Variants in RBBP8 observed in about 807,000 individuals in gnomAD.
RBBP8 encodes DNA endonuclease RBBP8.
In RBBP8, 88 loss-of-function variants were observed where a neutral mutation model predicts 108.3. The ratio of observed to expected loss-of-function variants is 0.81; its 90% CI spans 0.68 to 0.97. The LOEUF is 0.97. Among genes scored for constraint, RBBP8 ranks in the 50% least tolerant of loss-of-function variants. The pLI is 0.00. For synonymous variants in RBBP8, 332 were observed against 348.2 expected (o/e 0.95, Z 0.52); for missense variants, 1,023 against 1,049.0 (o/e 0.98, Z 0.34).
rs9960645 is a variant in RBBP8 at position 22,973,464 on chromosome 18, A to G, written c.362-1689A>G. Among the ~76,000 whole-genome samples, 1,283 of 152,310 alleles carry G rather than the reference A, an allele frequency of 8.4e-3. 22 individuals carry two copies. Among genetic ancestry groups the G allele is most frequent in the African/African-American group, 0.03 (1,234 of 41,560 alleles). On this transcript the variant is annotated intron_variant, in intron 5 of 18. Coordinates refer to ENST00000327155, the MANE Select transcript of RBBP8 (RefSeq NM_002894.3). ...TACAAAGGATGAGTTGCCAAATACT[A>G]TGATTCTGCCTCTGTTACAGTTCTT...
chr18:22,953,610 C>A (rs1446676499), intron 4 of RBBP8, among the ~76,000 whole-genome samples: 1 of 152,072 alleles, frequency 6.6e-6, no homozygotes, highest in African/African-American at 2.4e-5. Context: ...GTTCTGGTAA[C>A]CTTTGCAGTC....
chr18:22,940,188 A>G (rs919249472), intron 2 of RBBP8, among the ~76,000 whole-genome samples: 1 of 151,756 alleles, frequency 6.6e-6, no homozygotes, highest in Non-Finnish European at 1.5e-5. Flanking sequence ...AAATGTTGGG[A>G]TTTTGGGATT....
At chr18:23,025,577 A>G (rs896285006) in intron 18 of RBBP8, among the ~76,000 whole-genome samples, 2 of 152,242 alleles carry the variant, frequency 1.3e-5, no homozygotes, top group Non-Finnish European at 2.9e-5. Context: ...TGAAGATTAC[A>G]TGCTTAGAGA....
intron 7 of RBBP8, 107 bp from the exon 8 acceptor site, chr18:22,984,779 T>C (rs1239516483): frequency 1.6e-6 from 1 of 630,762 alleles, no homozygotes; most frequent in African/African-American, 1.9e-5. Flanking sequence ...TGGATTTAAA[T>C]ACAGATAATA....
chr18:22,976,047 C>T (rs1370322718), intron 6 of RBBP8, among the ~76,000 whole-genome samples: 1 of 152,008 alleles, frequency 6.6e-6, no homozygotes, highest in Non-Finnish European at 1.5e-5. Context: ...CCTAAAGATC[C>T]TGTTGCGTTT....
intron 4 of RBBP8, among the ~76,000 whole-genome samples, chr18:22,966,719 C>CTTTTTT (rs796853895): frequency 3.1e-5 from 4 of 128,118 alleles, no homozygotes; most frequent in Admixed American, 8.2e-5. Context: ...TACTTACTAT[C>CTTTTTT]TTTTTTTTTT....
intron 17 of RBBP8, among the ~76,000 whole-genome samples, chr18:23,020,695 A>C (rs2046334083): frequency 6.6e-6 from 1 of 152,104 alleles, no homozygotes; most frequent in Non-Finnish European, 1.5e-5. Context: ...TAAAGTCCTT[A>C]TCAAGGACAA....
intron 7 of RBBP8, 67 bp from the exon 8 acceptor site, chr18:22,984,819 A>C (rs1330789443): frequency 1.1e-6 from 1 of 923,518 alleles, no homozygotes; most frequent in African/African-American, 1.7e-5. Context: ...AATAAATAAA[A>C]ATAATTTGAT....
intron 14 of RBBP8, among the ~76,000 whole-genome samples, chr18:23,000,808 G>GT (rs2056309827): frequency 6.6e-6 from 1 of 151,122 alleles, no homozygotes; most frequent in Non-Finnish European, 1.5e-5. Flanking sequence ...TAAATGTACA[G>GT]TAACTACCCA....
rs150674755 is a variant in RBBP8, at chr18:22,953,380, C to G, written c.248+3667C>G. Among the ~76,000 whole-genome samples, 1,491 of 152,302 alleles carry G rather than the reference C, an allele frequency of 9.8e-3. 22 individuals carry two copies. The highest frequency in any genetic ancestry group is 0.034 in the African/African-American group (1,408 of 41,548). ...ACTTATATTGACTTCCAGTACTCTT[C>G]CTGTTTAGTTGTTCCTTAGCAAGTT... On this transcript the variant is annotated intron_variant, in intron 4 of 18. Transcript: ENST00000327155.
At chr18:22,919,563 T>C (rs902136069) in intron 3 of RBBP8, among the ~76,000 whole-genome samples, 1 of 152,170 alleles carries the variant, frequency 6.6e-6, no homozygotes, top group African/African-American at 2.4e-5. Flanking sequence ...TATTCTTTTT[T>C]TCTTTTTTTG....
At chr18:22,964,615 AT>A (rs1318378361) in intron 4 of RBBP8, among the ~76,000 whole-genome samples, 1 of 150,276 alleles carries the variant, frequency 6.7e-6, no homozygotes, top group African/African-American at 2.4e-5. Flanking sequence ...CTTTCTTAAT[AT>A]TTTTAATTTT....
chr18:22,992,996 T>C lies in RBBP8; in HGVS notation c.1169T>C (p.Leu390Pro). Residue 390 changes from leucine to proline, a missense_variant, in exon 11 of 19, where the codon CTT becomes CCT. Leu to Pro is a moderately conservative substitution (Grantham distance 98, BLOSUM62 -3). Transcript: ENST00000327155. The part of the protein sequence containing the change: ...EDSALFTHHS[L>P]GSEVNKIIIQ... The stretch of plus-strand genomic sequence containing the variant: ...AGTGCCCTTTTCACACATCACAGTC[T>C]TGGGTCTGAAGTGAACAAGATCATT... 1 of 1,613,764 alleles carries C rather than the reference T, an allele frequency of 6.2e-7. No homozygotes were observed. Among genetic ancestry groups the C allele is most frequent in the Non-Finnish European group, 8.5e-7 (1 of 1,179,686 alleles).
intron 15 of RBBP8, among the ~76,000 whole-genome samples, chr18:23,005,254 T>C (rs1323303365): frequency 6.6e-6 from 1 of 152,224 alleles, no homozygotes; most frequent in African/African-American, 2.4e-5. Flanking sequence ...CAACAATATA[T>C]GTTCTCAGAT....
intron 2 of RBBP8, 169 bp from the exon 3 acceptor site, chr18:22,946,275 C>G: frequency 2.6e-6 from 2 of 761,842 alleles, no homozygotes; most frequent in Non-Finnish European, 4.1e-6. Flanking sequence ...AAAAGCAATA[C>G]ATTGCAGATA....
At chr18:22,990,518 A>T (rs1915607228) in intron 9 of RBBP8, among the ~76,000 whole-genome samples, 1 of 152,196 alleles carries the variant, frequency 6.6e-6, no homozygotes, top group Non-Finnish European at 1.5e-5. Flanking sequence ...AAAGTGCTTC[A>T]TATTTTTCAT....
chr18:22,940,567 G>A (rs984608957), intron 2 of RBBP8, among the ~76,000 whole-genome samples: 24 of 151,940 alleles, frequency 1.6e-4, no homozygotes, highest in Non-Finnish European at 2.2e-4. Context: ...TGATCCGCCC[G>A]CCTCAGCCTC....
At chr18:22,965,804 T>C (rs1913530661) in intron 4 of RBBP8, among the ~76,000 whole-genome samples, 1 of 152,224 alleles carries the variant, frequency 6.6e-6, no homozygotes, top group Admixed American at 6.5e-5. Flanking sequence ...TTTTACAGTG[T>C]GAATCAGGTT....
chr18:22,951,220 T>C (rs993612980), intron 4 of RBBP8, among the ~76,000 whole-genome samples: 1 of 152,212 alleles, frequency 6.6e-6, no homozygotes, highest in Non-Finnish European at 1.5e-5. Flanking sequence ...GGGCTAGGGA[T>C]GATACTTTTC....
Sources: gnomAD v4.1 joint callset for allele counts (sites outside exome capture counted in the v4.1 genomes callset) on GRCh38, gnomAD v4.1.1 for gene constraint, MANE v1.5 for transcripts, NCBI Gene and HGNC (gene_info 2026-07-23, HGNC 2026-07-21) for gene names.